Variants in TXNRD1 observed in about 807,000 individuals in gnomAD.
TXNRD1 encodes the protein thioredoxin reductase 1, cytoplasmic.
TXNRD1 carries 57 observed loss-of-function variants against 80.3 expected under a neutral mutation model. That is an observed-to-expected ratio of 0.71 (90% confidence interval 0.57 to 0.89). The LOEUF is 0.89. Among genes scored for constraint, TXNRD1 ranks in the 40% least tolerant of loss-of-function variants. TXNRD1 has a pLI of 0.00. For missense variants in TXNRD1, 730 were observed against 803.0 expected, an observed-to-expected ratio of 0.91 and a Z score of 1.10; for synonymous variants, 291 against 285.2, an observed-to-expected ratio of 1.02 and a Z score of -0.20.
intron 4 of TXNRD1, chr12:104,289,586 G>A (rs1341920043): frequency 6.6e-6 from 1 of 152,660 alleles, no homozygotes; most frequent in Non-Finnish European, 1.5e-5. Context: ...TGAAGGGAAA[G>A]GAAGAAGTCT....
intron 4 of TXNRD1, chr12:104,304,552 G>A: frequency 6.2e-7 from 1 of 1,614,032 alleles, no homozygotes; most frequent in Non-Finnish European, 8.5e-7. Context: ...CAAAGTTGCA[G>A]AAGTTGGACC....
At chr12:104,235,094 G>A (rs1213636309) in intron 1 of TXNRD1, among the ~76,000 whole-genome samples, 2 of 152,194 alleles carry the variant, frequency 1.3e-5, no homozygotes, top group African/African-American at 4.8e-5. Context: ...GAATTTCTCA[G>A]CAAGGCAAAT....
chr12:104,309,136 G>GC (rs966716595), intron 4 of TXNRD1, among the ~76,000 whole-genome samples: 11 of 152,036 alleles, frequency 7.2e-5, no homozygotes, highest in African/African-American at 2.7e-4. Flanking sequence ...CTGAGCTCAG[G>GC]CAGCCCTCCC....
chr12:104,345,304 C>T (rs1434263000), intron 16 of TXNRD1, among the ~76,000 whole-genome samples: 1 of 152,134 alleles, frequency 6.6e-6, no homozygotes, highest in East Asian at 1.9e-4. Context: ...AAACTGAGTG[C>T]TCAAAAATAG....
In TXNRD1 at chr12:104,311,347, C is replaced by T; in HGVS notation, c.472C>T (p.Pro158Ser). The T allele has an allele frequency of 6.2e-7, 1 of 1,613,020 alleles. No individual in the cohort carries two copies. Among genetic ancestry groups the T allele is most frequent in the African/African-American group, 1.3e-5 (1 of 75,040 alleles). ...AAAAATGAACGGCCCTGAAGATCTT[C>T]CCAAGTCCTATGACTATGACCTTAT... Reference protein sequence around the residue: ...LLKMNGPEDLPKSYDYDLIII... With the variant: ...LLKMNGPEDLSKSYDYDLIII... Residue 158 changes from proline to serine, a missense_variant, in exon 5 of 17, where the codon CCC (proline) becomes TCC (serine). Pro to Ser is a moderately conservative substitution (Grantham distance 74). Transcript: ENST00000525566.
chr12:104,251,113 CT>C (rs988551159), intron 1 of TXNRD1, among the ~76,000 whole-genome samples: 4 of 152,250 alleles, frequency 2.6e-5, no homozygotes, highest in African/African-American at 9.6e-5. Context: ...TGGTCTGCCC[CT>C]ATGTCTGTAA....
At chr12:104,318,671 G>GTGTAT (rs1385636846) in intron 7 of TXNRD1, among the ~76,000 whole-genome samples, 1 of 152,162 alleles carries the variant, frequency 6.6e-6, no homozygotes, top group Admixed American at 6.5e-5. Context: ...GAAAAAGTTT[G>GTGTAT]TGTATTGTTA....
intron 4 of TXNRD1, among the ~76,000 whole-genome samples, chr12:104,305,632 A>G (rs1395632712): frequency 6.6e-6 from 1 of 152,256 alleles, no homozygotes; most frequent in Non-Finnish European, 1.5e-5. Context: ...CGAGAGGACC[A>G]TTAGATTTAT....
chr12:104,242,354 C>T (rs1025143723), intron 1 of TXNRD1, among the ~76,000 whole-genome samples: 2 of 151,758 alleles, frequency 1.3e-5, no homozygotes, highest in African/African-American at 4.8e-5. Flanking sequence ...TCGAGACCAG[C>T]CTGGCCAAGA....
At chr12:104,310,140 T>G (rs1565893929) in intron 4 of TXNRD1, 1 of 1,448,554 alleles carries the variant, frequency 6.9e-7, no homozygotes, top group South Asian at 1.4e-5. Flanking sequence ...AGTTAAGGCT[T>G]TTTGTTTGTT....
chr12:104,293,496 T>G (rs73396438), intron 4 of TXNRD1, among the ~76,000 whole-genome samples: 1,919 of 152,298 alleles, frequency 0.013, 45 homozygotes, highest in African/African-American at 0.044. Flanking sequence ...CTGGCTCTAT[T>G]GCCCAGTGCA....
In TXNRD1 at chr12:104,289,181, G is replaced by A. The variant is rs1593757783; in HGVS notation, c.414+141G>A. ...TGGGAAATGACGAAAAACGCTCGTGGGCTAGCGCATGTGTTAATCGAAGTT... is the reference window on the plus strand; with the variant it reads ...TGGGAAATGACGAAAAACGCTCGTGAGCTAGCGCATGTGTTAATCGAAGTT... On this transcript the variant is annotated intron_variant, in intron 4 of 16. Coordinates refer to ENST00000525566, the MANE Select transcript of TXNRD1 (RefSeq NM_001093771.3). The A allele has an allele frequency of 5.1e-6, 5 of 978,882 alleles. No homozygotes were observed. In the East Asian group the frequency reaches 1.3e-4, roughly 26 times the overall value. 60.6% of individuals were successfully genotyped at this position (978,882 alleles called of 1,614,324 possible).
At chr12:104,347,474 T>C (rs942360243) in intron 16 of TXNRD1, among the ~76,000 whole-genome samples, 4 of 152,214 alleles carry the variant, frequency 2.6e-5, no homozygotes, top group Admixed American at 6.5e-5. Flanking sequence ...TTTGCAAGGA[T>C]ATGAAACAAG....
At chr12:104,267,300 G>T (rs377436879) in intron 3 of TXNRD1, among the ~76,000 whole-genome samples, 385 of 6,812 alleles carry the variant, frequency 0.057, no homozygotes, top group East Asian at 0.22. Flanking sequence ...CTGTCTGTCT[G>T]TCTGTCTTGC....
intron 1 of TXNRD1, among the ~76,000 whole-genome samples, chr12:104,240,750 A>ATT (rs11422135): frequency 0.066 from 9,367 of 142,948 alleles, 374 homozygotes; most frequent in Non-Finnish European, 0.089. Flanking sequence ...TCTTTGTGGA[A>ATT]TTTTTTTTTT....
At chr12:104,267,978 T>C (rs1347933140) in intron 3 of TXNRD1, among the ~76,000 whole-genome samples, 1 of 151,202 alleles carries the variant, frequency 6.6e-6, no homozygotes, top group Middle Eastern at 3.2e-3. Context: ...GCCTCCTGAG[T>C]AGCTGGGATT....
In TXNRD1 at chr12:104,320,214, C is replaced by T. The variant is rs185259126; in HGVS notation, c.989+629C>T. 3.9e-4 allele frequency among the ~76,000 whole-genome samples: 60 copies of T among 152,348 alleles called. 1 individual carries two copies. Among genetic ancestry groups the T allele is most frequent in the African/African-American group, 1.3e-3 (52 of 41,590 alleles). ...GCTTTCAATTATGAAGTCATTAAGA[C>T]AGAGTGTTGGTAAATGTGTCTTCTT... On this transcript the variant is annotated intron_variant, in intron 9 of 16. Coordinates refer to ENST00000525566, the MANE Select transcript of TXNRD1 (RefSeq NM_001093771.3).
intron 3 of TXNRD1, among the ~76,000 whole-genome samples, chr12:104,282,254 G>A (rs992709788): frequency 1.3e-5 from 2 of 152,186 alleles, no homozygotes; most frequent in Non-Finnish European, 2.9e-5. Context: ...TAGTCCTAGA[G>A]TTTCAGCAAG....
At chr12:104,334,502 C>T (rs2036066901) in intron 15 of TXNRD1, among the ~76,000 whole-genome samples, 170 bp downstream of exon 15, 1 of 152,116 alleles carries the variant, frequency 6.6e-6, no homozygotes, top group African/African-American at 2.4e-5. Flanking sequence ...CCTGCCTCAG[C>T]CTCCCAACTA....
Sources: gnomAD v4.1 joint callset for allele counts (sites outside exome capture counted in the v4.1 genomes callset) on GRCh38, gnomAD v4.1.1 for gene constraint, MANE v1.5 for transcripts, NCBI Gene and HGNC (gene_info 2026-07-23, HGNC 2026-07-21) for gene names.